Variants in ATG7 observed in about 807,000 individuals in gnomAD.
The protein encoded by ATG7 is ubiquitin-like modifier-activating enzyme ATG7.
In ATG7, 70 loss-of-function variants were observed where a neutral mutation model predicts 82.4. That is an observed-to-expected ratio of 0.85 (90% confidence interval 0.70 to 1.04). ATG7 has a LOEUF of 1.04. Among genes scored for constraint, ATG7 ranks in the 50% least tolerant of loss-of-function variants. ATG7 has a pLI of 0.00. For missense variants in ATG7, 792 were observed against 864.3 expected (o/e 0.92, Z 1.05); for synonymous variants, 287 against 313.0 (o/e 0.92, Z 0.88).
At chr3:11,568,858 CAG>C in the ATG7 span, 1 of 1,379,762 alleles carries the variant, frequency 7.2e-7, no homozygotes, top group Non-Finnish European at 9.4e-7. This position sits in a 1 kb window ranked among gnomAD's most constrained non-coding sequence, Gnocchi z 5.9. Flanking sequence ...CCAGGCCTAT[CAG>C]AGCCGCTGAG....
chr3:11,400,534 TC>T (rs1319622077), intron 19 of ATG7, among the ~76,000 whole-genome samples: 5 of 152,166 alleles, frequency 3.3e-5, no homozygotes, highest in African/African-American at 1.2e-4. Flanking sequence ...TGATTTTTTT[TC>T]CTTCGAAGAG....
chr3:11,289,408 C>G (rs1164857511), intron 3 of ATG7, among the ~76,000 whole-genome samples: 1 of 152,108 alleles, frequency 6.6e-6, no homozygotes, highest in Non-Finnish European at 1.5e-5. Flanking sequence ...ATAGATTGTC[C>G]TGTTTAGGTA....
At chr3:11,333,640 GTGTGTA>G (rs1270426570) in intron 11 of ATG7, among the ~76,000 whole-genome samples, 1 of 151,744 alleles carries the variant, frequency 6.6e-6, no homozygotes, top group Non-Finnish European at 1.5e-5. Flanking sequence ...ATGTGTGTGT[GTGTGTA>G]TATATATATA....
rs544654399 is a variant in ATG7, at chr3:11,365,153, G to T, written c.1875+419G>T. 8.5e-5 allele frequency among the ~76,000 whole-genome samples: 13 copies of T among 152,328 alleles called. No individual in the cohort carries two copies. The South Asian group carries it at 2.7e-3, about 32-fold the overall frequency. Reference sequence around the variant, plus strand: ...AAGGTAATGCTGACATCACCTGGTAGTTGTATGGATTATGGATGGTTGCTA... The same window carrying T: ...AAGGTAATGCTGACATCACCTGGTATTTGTATGGATTATGGATGGTTGCTA... On this transcript the variant is annotated intron_variant, in intron 18 of 20. Coordinates refer to ENST00000693202, the MANE Select transcript of ATG7 (RefSeq NM_001349232.2).
chr3:11,372,804 G>GTT (rs2077093205), intron 18 of ATG7, among the ~76,000 whole-genome samples: 2 of 69,054 alleles, frequency 2.9e-5, no homozygotes, highest in East Asian at 1.2e-3. Flanking sequence ...AGGGCTGGGT[G>GTT]TGTGTGTGTG....
At chr3:11,323,110 A>G (rs1449249938) in intron 9 of ATG7, among the ~76,000 whole-genome samples, 1 of 152,200 alleles carries the variant, frequency 6.6e-6, no homozygotes, top group Non-Finnish European at 1.5e-5. Context: ...AAAAAGTTAG[A>G]ACATGTTAAG....
chr3:11,371,371 A>G (rs1256227642), intron 18 of ATG7, among the ~76,000 whole-genome samples: 3 of 151,184 alleles, frequency 2.0e-5, no homozygotes, highest in African/African-American at 7.3e-5. Context: ...AAAGGGGCAC[A>G]GCGGAGAAGG....
chr3:11,354,650 CAAAAAAAAAA>C (rs5846706), intron 14 of ATG7, among the ~76,000 whole-genome samples: 6 of 61,954 alleles, frequency 9.7e-5, no homozygotes, highest in Admixed American at 2.3e-4. Context: ...TCCATCTCAC[CAAAAAAAAAA>C]AAAAAAAAAA....
rs150123181 is a variant in ATG7, at chr3:11,313,125, A to G, written c.412-179A>G. Among the ~76,000 whole-genome samples the G allele has an allele frequency of 2.0e-5, 3 of 152,336 alleles. No individual in the cohort carries two copies. The East Asian group carries it at 5.8e-4, about 29-fold the overall frequency. Reference sequence around the variant, plus strand: ...TGGTATATGAGACTATTTTGGGAATACAAAAGTCCTTTATTTGATCATGAG... The same window carrying G: ...TGGTATATGAGACTATTTTGGGAATGCAAAAGTCCTTTATTTGATCATGAG... On this transcript the variant is annotated intron_variant, in intron 7 of 20. Transcript: ENST00000693202.
rs142774898 is a variant in ATG7 at position 11,478,795 on chromosome 3, T to C, written c.2079+51869T>C. Among the ~76,000 whole-genome samples, 1,408 of 152,212 alleles carry C rather than the reference T, an allele frequency of 9.3e-3. 12 individuals are homozygous for C. The highest frequency in any genetic ancestry group is 0.014 in the Non-Finnish European group (919 of 68,026). On this transcript the variant is annotated intron_variant, in intron 20 of 20. Transcript: ENST00000693202. ...TCATCCTACTTAGCAAATAAGACAA[T>C]TGAATGTGCAAGCCCAAACTTGAAT... is the stretch of plus-strand genomic sequence containing the variant.
At chr3:11,389,123 A>G (rs1331216089) in intron 19 of ATG7, among the ~76,000 whole-genome samples, 1 of 150,640 alleles carries the variant, frequency 6.6e-6, no homozygotes, top group African/African-American at 2.4e-5. Context: ...AATCCCAGCT[A>G]CTTGGGAGGC....
intron 20 of ATG7, among the ~76,000 whole-genome samples, chr3:11,437,145 T>C (rs561474894): frequency 1.3e-5 from 2 of 152,322 alleles, no homozygotes; most frequent in Non-Finnish European, 1.5e-5. Flanking sequence ...CTCTCCTTTC[T>C]CTGGTTCTCT....
chr3:11,411,450 C>G (rs2080882953), intron 19 of ATG7, among the ~76,000 whole-genome samples: 1 of 151,372 alleles, frequency 6.6e-6, no homozygotes, highest in Non-Finnish European at 1.5e-5. Context: ...ATGGTGAAAC[C>G]CCGTCTCTAA....
chr3:11,396,971 T>TA (rs2079351374), intron 19 of ATG7, among the ~76,000 whole-genome samples: 1 of 151,896 alleles, frequency 6.6e-6, no homozygotes, highest in African/African-American at 2.4e-5. Context: ...ATAGAAAAAT[T>TA]GTATAACTTC....
chr3:11,423,312 A>G (rs553530221), intron 19 of ATG7, among the ~76,000 whole-genome samples: 1 of 152,196 alleles, frequency 6.6e-6, no homozygotes, highest in Non-Finnish European at 1.5e-5. Context: ...AACATCAAAG[A>G]CCACTGATCA....
intron 1 of ATG7, among the ~76,000 whole-genome samples, chr3:11,272,920 T>G (rs969114505): frequency 6.6e-6 from 1 of 152,252 alleles, no homozygotes; most frequent in Non-Finnish European, 1.5e-5. Flanking sequence ...TCTCGATTCC[T>G]TGGTTACAGG....
intron 5 of ATG7, among the ~76,000 whole-genome samples, chr3:11,303,206 C>T (rs866255209): frequency 1.2e-4 from 19 of 152,216 alleles, no homozygotes; most frequent in South Asian, 2.1e-4. Flanking sequence ...GGACATTTAT[C>T]ACTCCACTCA....
intron 20 of ATG7, among the ~76,000 whole-genome samples, chr3:11,435,947 A>G (rs2083333109): frequency 1.3e-5 from 2 of 151,970 alleles, no homozygotes; most frequent in Admixed American, 6.6e-5. Flanking sequence ...TATAGAGGGA[A>G]CTCTAAGCTG....
chr3:11,409,557 T>C (rs1490882964), intron 19 of ATG7, among the ~76,000 whole-genome samples: 1 of 152,202 alleles, frequency 6.6e-6, no homozygotes, highest in Non-Finnish European at 1.5e-5. Context: ...TTATAGTTGG[T>C]GTATACCCCC....
Sources: gnomAD v4.1 joint callset for allele counts (sites outside exome capture counted in the v4.1 genomes callset) on GRCh38, gnomAD v4.1.1 for gene constraint, Gnocchi (gnomAD v3.1) non-coding constraint, MANE v1.5 for transcripts, NCBI Gene and HGNC (gene_info 2026-07-23, HGNC 2026-07-21) for gene names.